The following FOSL2 variants were observed in gnomAD, a reference collection of about 807,000 sequenced individuals.
FOSL2 encodes the protein FOS like 2, AP-1 transcription factor subunit, also known as fos-related antigen 2.
In FOSL2, 3 loss-of-function variants were observed where a neutral mutation model predicts 27.7. That is an observed-to-expected ratio of 0.11 (90% CI 0.05 to 0.28). The LOEUF is 0.28. FOSL2 is among the 10% of genes least tolerant of loss of function. The probability of loss-of-function intolerance (pLI) is 1.00; values close to 1 mark genes in which losing one functional copy is unlikely to be tolerated. For synonymous variants in FOSL2, 179 were observed against 190.1 expected, an observed-to-expected ratio of 0.94 and a Z score of 0.48; for missense variants, 333 against 445.1, an observed-to-expected ratio of 0.75 and a Z score of 2.27.
Position 28,412,142 on chromosome 2 carries a change from C to T in FOSL2, c.675C>T (p.Pro225=), listed in dbSNP as rs1179845756. Residue 225 remains proline, a synonymous_variant, in exon 4 of 4, where the codon CCC becomes CCT. Coordinates refer to ENST00000264716, the MANE Select transcript of FOSL2 (RefSeq NM_005253.4). The surrounding 1 kb of genome is among the most constrained non-coding windows in gnomAD (Gnocchi z 7.1). ...SVGAVVVKQE[P]LEEDSPSSSS... is the part of the protein sequence containing the mutation. The stretch of plus-strand genomic sequence containing the variant: ...GCGCTGTAGTGGTGAAACAGGAGCC[C>T]CTGGAAGAGGACAGCCCCTCGTCCT... The T allele has an allele frequency of 3.1e-6, 5 of 1,606,358 alleles. No individual in the cohort carries two copies. The African/African-American group carries it at 4.0e-5, about 13-fold the overall frequency.
rs970933855 is a variant in FOSL2 at position 28,392,905 on chromosome 2, G to A, written c.-816G>A. 1.4e-6 allele frequency: 1 copy of A among 714,062 alleles called. No homozygotes were observed. Among genetic ancestry groups the A allele is most frequent in the Non-Finnish European group, 2.6e-6 (1 of 383,026 alleles). The allele number at this position is 714,062 out of a possible 1,614,324, so 44.2% of individuals were successfully genotyped here. The stretch of plus-strand genomic sequence containing the variant: ...GCGCTAGGGCTCCGAGCGAACCAGC[G>A]AGCGAGCGAACGAGCGGCGCTCGGC... On this transcript the variant is annotated 5_prime_UTR_variant, in exon 1 of 4. Coordinates refer to ENST00000264716, the MANE Select transcript of FOSL2 (RefSeq NM_005253.4).
In FOSL2 at chr2:28,412,111, C is replaced by T. The variant is rs145636135; in HGVS notation, c.644C>T (p.Ser215Leu). Residue 215 changes from serine to leucine, a missense_variant, in exon 4 of 4, where the codon TCG (serine) becomes TTG (leucine). Coordinates refer to ENST00000264716, the MANE Select transcript of FOSL2 (RefSeq NM_005253.4). The surrounding 1 kb of genome is among the most constrained non-coding windows in gnomAD (Gnocchi z 7.1). The stretch of plus-strand genomic sequence containing the variant: ...CAGCCCATGCGCAGTGGGGGTGGCT[C>T]GGTGGGCGCTGTAGTGGTGAAACAG... Reference protein sequence around the residue: ...GLQPMRSGGGSVGAVVVKQEP... With the variant: ...GLQPMRSGGGLVGAVVVKQEP... The T allele has an allele frequency of 6.8e-4, 1,086 of 1,605,980 alleles. No homozygotes were observed. Among genetic ancestry groups the T allele is most frequent in the Non-Finnish European group, 8.3e-4 (976 of 1,179,660 alleles).
intron 3 of FOSL2, among the ~76,000 whole-genome samples, chr2:28,411,436 C>A (rs1558570242): frequency 1.3e-5 from 2 of 152,142 alleles, no homozygotes; most frequent in Non-Finnish European, 2.9e-5. Context: ...ACTCACCCCT[C>A]AGGGGTACCG....
chr2:28,412,049 C>T lies in FOSL2; in HGVS notation c.582C>T (p.Ser194=), dbSNP rs373180507. 3.7e-6 allele frequency: 6 copies of T among 1,609,338 alleles called. No homozygotes were observed. The highest frequency in any genetic ancestry group is 5.1e-6 in the Non-Finnish European group (6 of 1,179,958). ...CTCACGGCCCAGTGTGCAAGATTAG[C>T]CCCGAGGAGCGCCGATCGCCCCCAG... ...LVAHGPVCKI[S]PEERRSPPAP... is the part of the protein sequence containing the mutation. The change falls in exon 4 of 4, where the codon AGC becomes AGT. Residue 194 remains serine, a synonymous_variant. Coordinates refer to ENST00000264716, the MANE Select transcript of FOSL2 (RefSeq NM_005253.4). The surrounding 1 kb of genome is among the most constrained non-coding windows in gnomAD (Gnocchi z 7.1).
At position 28,404,639 on chromosome 2, in the gene FOSL2, A is replaced by G. The variant is rs1664041792; in HGVS notation, c.354+281A>G. Reference sequence around the variant, plus strand: ...GGTCCCTGCAAGCCAGGACTTGGCTACAGATGGGAAGGACCATTACGACCT... The same window carrying G: ...GGTCCCTGCAAGCCAGGACTTGGCTGCAGATGGGAAGGACCATTACGACCT... On this transcript the variant is annotated intron_variant, in intron 2 of 3. Transcript: ENST00000264716. The surrounding 1 kb of genome is among the most constrained non-coding windows in gnomAD (Gnocchi z 4.7). Among the ~76,000 whole-genome samples, 1 of 152,310 alleles carries G rather than the reference A, an allele frequency of 6.6e-6. No individual in the cohort carries two copies. The highest frequency in any genetic ancestry group is 1.9e-4 in the East Asian group (1 of 5,180).
rs991974039 is a variant in FOSL2 at position 28,392,883 on chromosome 2, C to G, written c.-838C>G. Reference sequence around the variant, plus strand: ...GTAGTGACTCATCTCGGGCAGAGCGCTAGGGCTCCGAGCGAACCAGCGAGC... The same window carrying G: ...GTAGTGACTCATCTCGGGCAGAGCGGTAGGGCTCCGAGCGAACCAGCGAGC... On this transcript the variant is annotated 5_prime_UTR_variant, in exon 1 of 4. Transcript: ENST00000264716. The G allele has an allele frequency of 2.8e-6, 2 of 715,094 alleles. No individual in the cohort carries two copies. The highest frequency in any genetic ancestry group is 1.8e-5 in the African/African-American group (1 of 57,074). The allele number at this position is 715,094 out of a possible 1,614,324, so 44.3% of individuals were successfully genotyped here.
At chr2:28,403,566 G>T (rs1429288265) in intron 1 of FOSL2, among the ~76,000 whole-genome samples, 1 of 152,196 alleles carries the variant, frequency 6.6e-6, no homozygotes, top group Admixed American at 6.5e-5. Context: ...CCCTGATGGA[G>T]TCATAGCTCT....
intron 2 of FOSL2, among the ~76,000 whole-genome samples, chr2:28,406,300 G>T (rs892685979): frequency 2.6e-5 from 4 of 152,090 alleles, no homozygotes; most frequent in Non-Finnish European, 4.4e-5. Flanking sequence ...GACCTCAGGT[G>T]ATCCACCCGC....
chr2:28,412,034 A>C lies in FOSL2; in HGVS notation c.567A>C (p.Pro189=). 1.2e-6 allele frequency: 2 copies of C among 1,611,930 alleles called. No individual in the cohort carries two copies. Among genetic ancestry groups the C allele is most frequent in the Non-Finnish European group, 1.7e-6 (2 of 1,179,998 alleles). The change falls in exon 4 of 4, where the codon CCA becomes CCC. Residue 189 remains proline, a synonymous_variant. Coordinates refer to ENST00000264716, the MANE Select transcript of FOSL2 (RefSeq NM_005253.4). This position sits in a 1 kb window ranked among gnomAD's most constrained non-coding sequence, Gnocchi z 7.1. ...KLEFMLVAHG[P]VCKISPEERR... is the part of the protein sequence containing the mutation. ...AGTTCATGTTGGTGGCTCACGGCCC[A>C]GTGTGCAAGATTAGCCCCGAGGAGC... is the stretch of plus-strand genomic sequence containing the variant.
In FOSL2 at chr2:28,404,498, A is replaced by C; in HGVS notation, c.354+140A>C. 1 of 1,084,608 alleles carries C rather than the reference A, an allele frequency of 9.2e-7. No homozygotes were observed. The highest frequency in any genetic ancestry group is 2.5e-5 in the East Asian group (1 of 39,858). 67.2% of individuals were successfully genotyped at this position (1,084,608 alleles called of 1,614,324 possible). On this transcript the variant is annotated intron_variant, in intron 2 of 3. Transcript: ENST00000264716. This position sits in a 1 kb window ranked among gnomAD's most constrained non-coding sequence, Gnocchi z 4.7. The stretch of plus-strand genomic sequence containing the variant: ...GGAGCTAGGGGTCGAAGAGCACGTC[A>C]TCCCCCTTACTGGAGGCCGAGCTGG...
rs546488990 is a variant in FOSL2, at chr2:28,413,925, G to A, written c.*1477G>A. ...CTGCAGGAGAGCTGCCCCCTTTCAC[G>A]GGGTTGGGGAAGGGTCCCCCTGGCC... On this transcript the variant is annotated 3_prime_UTR_variant, in exon 4 of 4. Coordinates refer to ENST00000264716, the MANE Select transcript of FOSL2 (RefSeq NM_005253.4). 8 of 398,016 alleles carry A rather than the reference G, an allele frequency of 2.0e-5. No individual in the cohort carries two copies. Among genetic ancestry groups the A allele is most frequent in the Middle Eastern group, 6.3e-4 (1 of 1,588 alleles). 24.7% of individuals were successfully genotyped at this position (398,016 alleles called of 1,614,324 possible).
In FOSL2 at chr2:28,413,485, A is replaced by C; in HGVS notation, c.*1037A>C. 2.5e-6 allele frequency: 1 copy of C among 398,698 alleles called. No homozygotes were observed. Among genetic ancestry groups the C allele is most frequent in the East Asian group, 3.6e-5 (1 of 28,058 alleles). 24.7% of individuals were successfully genotyped at this position (398,698 alleles called of 1,614,324 possible). ...AGGGTGACGCCACCCACAGAGATTT[A>C]ATGAGCGTGGGCCTGGACCTTCCCC... On this transcript the variant is annotated 3_prime_UTR_variant, in exon 4 of 4. Transcript: ENST00000264716.
Position 28,413,854 on chromosome 2 carries a change from A to C in FOSL2, c.*1406A>C, listed in dbSNP as rs1487370373. ...ATGCGCCATTCCTGGTTGTCTGTTGAATCTTTCTGGCTGCTGGAATTGGAG... is the reference window on the plus strand; with the variant it reads ...ATGCGCCATTCCTGGTTGTCTGTTGCATCTTTCTGGCTGCTGGAATTGGAG... On this transcript the variant is annotated 3_prime_UTR_variant, in exon 4 of 4. Transcript: ENST00000264716. 5 of 398,620 alleles carry C rather than the reference A, an allele frequency of 1.3e-5. No homozygotes were observed. Among genetic ancestry groups the C allele is most frequent in the Non-Finnish European group, 2.2e-5 (5 of 226,228 alleles). The allele number at this position is 398,620 out of a possible 1,614,324, so 24.7% of individuals were successfully genotyped here.
rs1193023411 is a variant in FOSL2 at position 28,416,589 on chromosome 2, A to G, written c.*4141A>G. 1.3e-5 allele frequency: 2 copies of G among 151,920 alleles called. No individual in the cohort carries two copies. The highest frequency in any genetic ancestry group is 1.5e-5 in the Non-Finnish European group (1 of 68,020). The allele number at this position is 151,920 out of a possible 1,614,324, so 9.4% of individuals were successfully genotyped here. On this transcript the variant is annotated 3_prime_UTR_variant, in exon 4 of 4. Coordinates refer to ENST00000264716, the MANE Select transcript of FOSL2 (RefSeq NM_005253.4). ...GGTGGATTTTCATTCCTCTGGGGAC[A>G]GTGGTCGCCAAGACATCTACATTGT... is the stretch of plus-strand genomic sequence containing the variant.
chr2:28,408,613 T>C lies in FOSL2; in HGVS notation c.355-146T>C, dbSNP rs1394249764. ...TCAGGGATCCACATGTTCTGGGGCC[T>C]CTGAGTCCAGCCATGCTCCTCTTGC... On this transcript the variant is annotated intron_variant, in intron 2 of 3. Transcript: ENST00000264716. The surrounding 1 kb of genome is among the most constrained non-coding windows in gnomAD (Gnocchi z 4.1). 2.3e-5 allele frequency: 13 copies of C among 565,206 alleles called. No individual in the cohort carries two copies. The East Asian group carries it at 3.4e-4, about 15-fold the overall frequency. 35.0% of individuals were successfully genotyped at this position (565,206 alleles called of 1,614,324 possible).
In FOSL2 at chr2:28,392,881, C is replaced by T. The variant is rs756229009; in HGVS notation, c.-840C>T. ...TTGTAGTGACTCATCTCGGGCAGAG[C>T]GCTAGGGCTCCGAGCGAACCAGCGA... On this transcript the variant is annotated 5_prime_UTR_variant, in exon 1 of 4. Transcript: ENST00000264716. The T allele has an allele frequency of 1.4e-6, 1 of 715,106 alleles. No individual in the cohort carries two copies. The highest frequency in any genetic ancestry group is 1.5e-5 in the South Asian group (1 of 67,484). 44.3% of individuals were successfully genotyped at this position (715,106 alleles called of 1,614,324 possible). A position where few individuals can be genotyped will look rare whatever the true frequency, so the allele number is the denominator to read the frequency against.
At chr2:28,399,213 G>A (rs1663921409) in intron 1 of FOSL2, among the ~76,000 whole-genome samples, 2 of 152,182 alleles carry the variant, frequency 1.3e-5, no homozygotes, top group Admixed American at 6.5e-5. Flanking sequence ...TGGCCAAGGG[G>A]CTGGGCCAAG....
intron 3 of FOSL2, among the ~76,000 whole-genome samples, chr2:28,409,171 T>G (rs1664142208): frequency 6.6e-6 from 1 of 151,894 alleles, no homozygotes; most frequent in African/African-American, 2.4e-5. Flanking sequence ...CACAGAACTG[T>G]GGGGGCTCCT....
intron 2 of FOSL2, among the ~76,000 whole-genome samples, chr2:28,406,045 T>C (rs982420700): frequency 3.2e-4 from 12 of 37,084 alleles, no homozygotes; most frequent in Non-Finnish European, 6.0e-4. Context: ...CTCCATTCCC[T>C]TTTTTTTTTT....
Sources: allele counts gnomAD v4.1 joint callset (sites outside exome capture counted in the v4.1 genomes callset), GRCh38; gene constraint gnomAD v4.1.1; non-coding constraint Gnocchi (gnomAD v3.1); transcripts MANE v1.5; gene names NCBI Gene and HGNC (gene_info 2026-07-23, HGNC 2026-07-21).